MYLK: variants seen among roughly 807,000 people sequenced by gnomAD.
The protein encoded by MYLK is myosin light chain kinase, smooth muscle.
Under a neutral mutation model 203.4 loss-of-function variants are expected in MYLK, and 106 were observed. That is an observed-to-expected ratio of 0.52 (90% CI 0.45 to 0.61). The LOEUF is 0.61. Ranked by LOEUF, MYLK falls within the 20% of genes least tolerant of loss-of-function variation. The pLI is 0.00. For missense variants in MYLK, 2,072 were observed against 2,442.3 expected, an observed-to-expected ratio of 0.85 and a Z score of 3.20; for synonymous variants, 867 against 959.5, an observed-to-expected ratio of 0.90 and a Z score of 1.78.
intron 2 of MYLK, among the ~76,000 whole-genome samples, chr3:123,850,637 G>A (rs1030464834): frequency 6.6e-6 from 1 of 152,154 alleles, no homozygotes; most frequent in Non-Finnish European, 1.5e-5. Flanking sequence ...GTAGATTCTG[G>A]ATATTAGCCC....
Position 123,884,246 on chromosome 3 carries a change from T to A in MYLK, c.-226A>T, listed in dbSNP as rs1373302883. 1.3e-5 allele frequency: 2 copies of A among 148,680 alleles called. No individual in the cohort carries two copies. Among genetic ancestry groups the A allele is most frequent in the Non-Finnish European group, 1.5e-5 (1 of 67,074 alleles). 9.2% of individuals were successfully genotyped at this position (148,680 alleles called of 1,614,324 possible). A position where few individuals can be genotyped will look rare whatever the true frequency, so the allele number is the denominator to read the frequency against. On this transcript the variant is annotated 5_prime_UTR_variant, in exon 1 of 34. Coordinates refer to ENST00000360304, the MANE Select transcript of MYLK (RefSeq NM_053025.4). Reference sequence around the variant, plus strand: ...GGCCCGGGAGCCGGGGCACCGGCGCTCGGCGGGGCGCCCCGGCCGCAGGCG... The same window carrying A: ...GGCCCGGGAGCCGGGGCACCGGCGCACGGCGGGGCGCCCCGGCCGCAGGCG...
At chr3:123,745,854 T>A (rs866165161) in intron 5 of MYLK, among the ~76,000 whole-genome samples, 1 of 152,124 alleles carries the variant, frequency 6.6e-6, no homozygotes, top group African/African-American at 2.4e-5. Flanking sequence ...TATTTATTTA[T>A]TTTTATTTTT....
chr3:123,687,786 C>T (rs1231009262), intron 19 of MYLK, among the ~76,000 whole-genome samples: 3 of 152,116 alleles, frequency 2.0e-5, no homozygotes, highest in African/African-American at 7.2e-5. Context: ...GTCCTCCTGG[C>T]TCATCCTCCT....
Position 123,708,883 on chromosome 3 carries a change from G to T in MYLK, c.1955C>A (p.Pro652His), listed in dbSNP as rs761892127. The change falls in exon 15 of 34, where the codon CCT becomes CAT. Residue 652 changes from proline (P) to histidine (H), a missense_variant. Transcript: ENST00000360304. ...MTVQVSGNPP[P>H]EVIWLHNGNE... Reference sequence around the variant, plus strand: ...CCCATTGTGCAGCCAGATGACTTCAGGGGGTGGATTCCCTGAACCAGGAGG... The same window carrying T: ...CCCATTGTGCAGCCAGATGACTTCATGGGGTGGATTCCCTGAACCAGGAGG... The T allele has an allele frequency of 4.3e-6, 7 of 1,614,082 alleles. No individual in the cohort carries two copies. Among genetic ancestry groups the T allele is most frequent in the Non-Finnish European group, 5.9e-6 (7 of 1,179,948 alleles).
chr3:123,735,434 G>T lies in MYLK; in HGVS notation c.755-18C>A, dbSNP rs748988850. ...GTCCAAACCTGGAAAAAGGGGGAAG[G>T]GTGGAAAGACTGTTAGTAGAATGCT... On this transcript the variant is annotated intron_variant, in intron 8 of 33. Coordinates refer to ENST00000360304, the MANE Select transcript of MYLK (RefSeq NM_053025.4). 1 of 1,613,992 alleles carries T rather than the reference G, an allele frequency of 6.2e-7. No individual in the cohort carries two copies. The highest frequency in any genetic ancestry group is 8.5e-7 in the Non-Finnish European group (1 of 1,179,940).
chr3:123,877,333 C>T (rs947388049), intron 1 of MYLK, among the ~76,000 whole-genome samples: 34 of 152,264 alleles, frequency 2.2e-4, no homozygotes, highest in African/African-American at 7.9e-4. Flanking sequence ...AAGGTGGTGA[C>T]ACAGTCAGAC....
intron 1 of MYLK, among the ~76,000 whole-genome samples, chr3:123,883,533 T>C (rs1291909556): frequency 6.6e-6 from 1 of 152,184 alleles, no homozygotes; most frequent in Non-Finnish European, 1.5e-5. Context: ...CTTTGGGTCT[T>C]GAAGGGTTTT....
chr3:123,848,076 A>G (rs2030259532), intron 2 of MYLK, among the ~76,000 whole-genome samples: 2 of 151,914 alleles, frequency 1.3e-5, no homozygotes, highest in South Asian at 2.1e-4. Context: ...GCAGTTTTCT[A>G]TATCTTTTGA....
chr3:123,669,909 C>A (rs2059857651), intron 20 of MYLK, among the ~76,000 whole-genome samples: 1 of 151,646 alleles, frequency 6.6e-6, no homozygotes, highest in Non-Finnish European at 1.5e-5. Flanking sequence ...GTGGTGTGCG[C>A]CTGTAATCCC....
At chr3:123,620,470 A>T (rs2057794210) in intron 31 of MYLK, 134 bp from the exon 32 acceptor site, 1 of 1,575,954 alleles carries the variant, frequency 6.3e-7, no homozygotes, top group African/African-American at 1.3e-5. Context: ...CTGAGAGCCG[A>T]GGTTCTGCCA....
chr3:123,698,451 A>T (rs1368045907), intron 18 of MYLK, among the ~76,000 whole-genome samples: 2 of 152,168 alleles, frequency 1.3e-5, no homozygotes, highest in African/African-American at 4.8e-5. Flanking sequence ...AAATGTTCCC[A>T]GTCAGGGTTT....
chr3:123,648,909 A>G lies in MYLK; in HGVS notation c.4415+62T>C. On this transcript the variant is annotated intron_variant, in intron 26 of 33. Transcript: ENST00000360304. This position sits in a 1 kb window ranked among gnomAD's most constrained non-coding sequence, Gnocchi z 4.5. ...AACAGGAAGCTGAGGCACTGAATCT[A>G]ACTGTGAGACCCGCACCACCCTCAC... 2.8e-6 allele frequency: 4 copies of G among 1,415,902 alleles called. No homozygotes were observed. The allele number at this position is 1,415,902 out of a possible 1,614,324, so 87.7% of individuals were successfully genotyped here. A position where few individuals can be genotyped will look rare whatever the true frequency, so the allele number is the denominator to read the frequency against.
At chr3:123,838,314 T>C (rs1016653775) in intron 2 of MYLK, among the ~76,000 whole-genome samples, 3 of 152,064 alleles carry the variant, frequency 2.0e-5, no homozygotes, top group African/African-American at 7.2e-5. Context: ...AAAATATTTC[T>C]CAAAAATAAA....
chr3:123,805,298 C>T (rs1577029223), intron 3 of MYLK, among the ~76,000 whole-genome samples: 2 of 152,286 alleles, frequency 1.3e-5, no homozygotes, highest in African/African-American at 2.4e-5. Flanking sequence ...ATCTGCCTCC[C>T]GTGGCTGAAG....
At chr3:123,811,237 C>A (rs748381241) in intron 3 of MYLK, among the ~76,000 whole-genome samples, 1 of 152,052 alleles carries the variant, frequency 6.6e-6, no homozygotes, top group Admixed American at 6.5e-5. Context: ...CATTTGCACT[C>A]GGGGTGAGGG....
chr3:123,746,645 AG>A (rs1419584741), intron 5 of MYLK, among the ~76,000 whole-genome samples: 1 of 152,240 alleles, frequency 6.6e-6, no homozygotes, highest in Non-Finnish European at 1.5e-5. Context: ...TAAATGAGTA[AG>A]GCTGCTTCTG....
At chr3:123,737,248 TG>T in intron 8 of MYLK, 129 bp downstream of exon 8, 1 of 1,032,872 alleles carries the variant, frequency 9.7e-7, no homozygotes, top group Non-Finnish European at 1.5e-6. Context: ...GACCTGCCCC[TG>T]GGGAGTGCCT....
At chr3:123,838,660 T>C (rs2066524704) in intron 2 of MYLK, among the ~76,000 whole-genome samples, 1 of 152,206 alleles carries the variant, frequency 6.6e-6, no homozygotes. Flanking sequence ...TATAATATTC[T>C]AAGGTTTTTA....
At chr3:123,820,381 T>C (rs989106875) in intron 3 of MYLK, among the ~76,000 whole-genome samples, 3 of 152,170 alleles carry the variant, frequency 2.0e-5, no homozygotes, top group African/African-American at 7.2e-5. Context: ...TGGAAATGCC[T>C]AATATAATTT....
Sources: gnomAD v4.1 joint callset for allele counts (sites outside exome capture counted in the v4.1 genomes callset) on GRCh38, gnomAD v4.1.1 for gene constraint, Gnocchi (gnomAD v3.1) non-coding constraint, MANE v1.5 for transcripts, NCBI Gene and HGNC (gene_info 2026-07-23, HGNC 2026-07-21) for gene names.